The following KCNJ12 variants were observed in gnomAD, a reference collection of about 807,000 sequenced individuals.
KCNJ12 encodes the protein ATP-sensitive inward rectifier potassium channel 12.
A neutral mutation model predicts 22.3 loss-of-function variants in KCNJ12; 2 were observed. That is an observed-to-expected ratio of 0.09 (90% CI 0.04 to 0.28). KCNJ12 has a LOEUF of 0.28. KCNJ12 is among the 10% of genes least tolerant of loss of function. The pLI, the probability that KCNJ12 is intolerant of heterozygous loss-of-function variation, is 1.00. For synonymous variants in KCNJ12, 117 were observed against 261.4 expected (o/e 0.45, Z 5.33); for missense variants, 155 against 633.3 (o/e 0.24, Z 8.11).
chr17:21,397,649 G>A (rs1905414875), intron 1 of KCNJ12, among the ~76,000 whole-genome samples: 1 of 152,222 alleles, frequency 6.6e-6, no homozygotes, highest in African/African-American at 2.4e-5. Context: ...TGTCCAGAGA[G>A]GATGACTTTG....
rs1473218728 is a variant in KCNJ12 at position 21,382,622 on chromosome 17, C to T, written c.-179+5709C>T. 3.9e-5 allele frequency among the ~76,000 whole-genome samples: 6 copies of T among 152,328 alleles called. No individual in the cohort carries two copies. The East Asian group carries it at 1.2e-3, about 29-fold the overall frequency. On this transcript the variant is annotated intron_variant, in intron 1 of 2. Transcript: ENST00000583088. ...GCAACTATAGAGACTGGCATGCTTTCTGCTTGCCTGAGCACTGCCCGTCCC... is the reference window on the plus strand; with the variant it reads ...GCAACTATAGAGACTGGCATGCTTTTTGCTTGCCTGAGCACTGCCCGTCCC...
At chr17:21,407,895 C>T (rs1211530355) in intron 1 of KCNJ12, among the ~76,000 whole-genome samples, 4 of 152,418 alleles carry the variant, frequency 2.6e-5, no homozygotes, top group Non-Finnish European at 4.4e-5. Flanking sequence ...TCCATCCATC[C>T]ACCCACCCAT....
At chr17:21,379,552 C>T (rs1226000595) in intron 1 of KCNJ12, among the ~76,000 whole-genome samples, 2 of 152,172 alleles carry the variant, frequency 1.3e-5, no homozygotes, top group African/African-American at 2.4e-5. Flanking sequence ...GCCCTGCCAC[C>T]GGCTAGCGTG....
chr17:21,398,477 G>A lies in KCNJ12; in HGVS notation c.-178-10042G>A, dbSNP rs559889621. On this transcript the variant is annotated intron_variant, in intron 1 of 2. Transcript: ENST00000583088. The stretch of plus-strand genomic sequence containing the variant: ...ACCTCTACGGCCCCCACTGCCCACA[G>A]CATGCTGGGCCATCCCTCCAATGGG... Among the ~76,000 whole-genome samples the A allele has an allele frequency of 3.9e-5, 6 of 152,356 alleles. No individual in the cohort carries two copies. The East Asian group carries it at 1.2e-3, about 29-fold the overall frequency.
At chr17:21,403,465 C>T (rs1217796958) in intron 1 of KCNJ12, among the ~76,000 whole-genome samples, 1 of 152,244 alleles carries the variant, frequency 6.6e-6, no homozygotes, top group Non-Finnish European at 1.5e-5. Context: ...GTGTCCTTAC[C>T]TTGTGTCCTT....
rs1174247370 is a variant in KCNJ12 at position 21,416,792 on chromosome 17, G to A, written c.*148G>A. ...AGTCGTTTTATGTTTCTTTGCAACG[G>A]CCTCAGAAGTTTGGCCGGAGAGGGG... On this transcript the variant is annotated 3_prime_UTR_variant, in exon 3 of 3. Transcript: ENST00000583088. 1 of 1,381,052 alleles carries A rather than the reference G, an allele frequency of 7.2e-7. No individual in the cohort carries two copies. Among genetic ancestry groups the A allele is most frequent in the Non-Finnish European group, 9.6e-7 (1 of 1,038,866 alleles). The allele number at this position is 1,381,052 out of a possible 1,614,324, so 85.5% of individuals were successfully genotyped here.
rs1382745749 is a variant in KCNJ12, at chr17:21,376,458, C to G, written c.-634C>G. On this transcript the variant is annotated 5_prime_UTR_variant, in exon 1 of 3. Transcript: ENST00000583088. The surrounding 1 kb of genome is among the most constrained non-coding windows in gnomAD (Gnocchi z 5.3). ...TCGCCCTCCATTCCTCGCTCCCCGT[C>G]TTCTCCCGGCCACACCGCCACTGCT... 1.3e-5 allele frequency: 2 copies of G among 152,076 alleles called. No homozygotes were observed. Among genetic ancestry groups the G allele is most frequent in the Non-Finnish European group, 2.9e-5 (2 of 68,048 alleles). The allele number at this position is 152,076 out of a possible 1,614,324, so 9.4% of individuals were successfully genotyped here.
chr17:21,414,206 G>A (rs1461719881), intron 2 of KCNJ12, among the ~76,000 whole-genome samples: 5 of 152,280 alleles, frequency 3.3e-5, no homozygotes, highest in South Asian at 2.1e-4. Context: ...AAGAGAAAAC[G>A]TCTCACGCCT....
Position 21,376,365 on chromosome 17 carries a change from G to C in KCNJ12, c.-727G>C, listed in dbSNP as rs1904647690. On this transcript the variant is annotated 5_prime_UTR_variant, in exon 1 of 3. Transcript: ENST00000583088. This position sits in a 1 kb window ranked among gnomAD's most constrained non-coding sequence, Gnocchi z 5.3. ...TCCGCGGAGAGTTAGAGGAGTTGCC[G>C]AGCTGAGCTCCGGTGGAGCGAGGCG... 6.6e-6 allele frequency: 1 copy of C among 151,770 alleles called. No individual in the cohort carries two copies. Among genetic ancestry groups the C allele is most frequent in the East Asian group, 2.0e-4 (1 of 5,092 alleles). The allele number at this position is 151,770 out of a possible 1,614,324, so 9.4% of individuals were successfully genotyped here.
At chr17:21,381,670 G>GT (rs1159146925) in intron 1 of KCNJ12, among the ~76,000 whole-genome samples, 1 of 152,132 alleles carries the variant, frequency 6.6e-6, no homozygotes, top group Non-Finnish European at 1.5e-5. Flanking sequence ...TGATTCCCCT[G>GT]TGGGACACTG....
At chr17:21,396,567 G>A (rs889359355) in intron 1 of KCNJ12, among the ~76,000 whole-genome samples, 14 of 152,058 alleles carry the variant, frequency 9.2e-5, no homozygotes, top group African/African-American at 2.7e-4. Flanking sequence ...GGTTCGCACC[G>A]GTCTCAGGAG....
chr17:21,398,697 C>G (rs1434733505), intron 1 of KCNJ12, among the ~76,000 whole-genome samples: 2 of 152,232 alleles, frequency 1.3e-5, no homozygotes, highest in South Asian at 2.1e-4. Flanking sequence ...ATCCTTGACT[C>G]AAGATCTGTT....
intron 1 of KCNJ12, among the ~76,000 whole-genome samples, chr17:21,388,864 G>GCC (rs374462571): frequency 5.9e-5 from 9 of 151,778 alleles, no homozygotes; most frequent in African/African-American, 2.2e-4. Context: ...GCCCCGCTGG[G>GCC]CCCCCCCCGA....
At chr17:21,404,147 G>A (rs73310170) in intron 1 of KCNJ12, among the ~76,000 whole-genome samples, 2,956 of 61,282 alleles carry the variant, frequency 0.048, no homozygotes, top group Middle Eastern at 0.077. Flanking sequence ...GGCTGGCAGG[G>A]CTTCTGTGGA....
At chr17:21,407,067 G>A (rs555567397) in intron 1 of KCNJ12, among the ~76,000 whole-genome samples, 5 of 152,406 alleles carry the variant, frequency 3.3e-5, no homozygotes, top group South Asian at 2.1e-4. Flanking sequence ...GCCCATCCAC[G>A]TAGTTAGCCA....
At chr17:21,384,976 CGT>C (rs1555558493) in intron 1 of KCNJ12, among the ~76,000 whole-genome samples, 1 of 152,010 alleles carries the variant, frequency 6.6e-6, no homozygotes, top group African/African-American at 2.4e-5. Flanking sequence ...GGGGTTTCAC[CGT>C]GTTAGCCAGG....
At chr17:21,387,440 CAAA>C (rs782125409) in intron 1 of KCNJ12, among the ~76,000 whole-genome samples, 10 of 36,522 alleles carry the variant, frequency 2.7e-4, no homozygotes, top group East Asian at 1.8e-3. Flanking sequence ...GACTCTATCT[CAAA>C]AAAAAAAAAA....
intron 1 of KCNJ12, among the ~76,000 whole-genome samples, chr17:21,379,255 A>G (rs1342887510): frequency 6.6e-6 from 1 of 152,240 alleles, no homozygotes; most frequent in Non-Finnish European, 1.5e-5. Flanking sequence ...CACAGTTGGC[A>G]GTACCAAGCG....
chr17:21,411,881 G>C (rs1386163086), intron 2 of KCNJ12, among the ~76,000 whole-genome samples: 1 of 152,310 alleles, frequency 6.6e-6, no homozygotes, highest in Non-Finnish European at 1.5e-5. Flanking sequence ...TTACGCAGGA[G>C]TGTTCTTGAG....
Sources: gnomAD v4.1 joint callset for allele counts (sites outside exome capture counted in the v4.1 genomes callset) on GRCh38, gnomAD v4.1.1 for gene constraint, Gnocchi (gnomAD v3.1) non-coding constraint, MANE v1.5 for transcripts, NCBI Gene and HGNC (gene_info 2026-07-23, HGNC 2026-07-21) for gene names.